Variants in MND1 observed in about 807,000 individuals in gnomAD.
The protein encoded by MND1 is meiotic nuclear divisions 1.
In MND1, 28 loss-of-function variants were observed where a neutral mutation model predicts 35.1. That is an observed-to-expected ratio of 0.80 (90% confidence interval 0.59 to 1.09). The LOEUF (loss-of-function observed/expected upper bound fraction) is 1.09, where lower values mean the gene tolerates loss of function less well. Ranked by LOEUF, MND1 falls within the 50% of genes least tolerant of loss-of-function variation. The probability of loss-of-function intolerance (pLI) is 0.00; values close to 1 mark genes in which losing one functional copy is unlikely to be tolerated. For synonymous variants in MND1, 69 were observed against 70.5 expected (o/e 0.98, Z 0.11); for missense variants, 213 against 239.6 (o/e 0.89, Z 0.73).
Position 153,349,326 on chromosome 4 carries a change from T to A in MND1, c.4-738T>A, listed in dbSNP as rs539407443. ...TGGATAGGCCTTTCCCCCTTCCATC[T>A]TCTCTTCCACATTGCTGCTATAATT... On this transcript the variant is annotated intron_variant, in intron 1 of 7. Coordinates refer to ENST00000240488, the MANE Select transcript of MND1 (RefSeq NM_032117.4). 2.0e-5 allele frequency among the ~76,000 whole-genome samples: 3 copies of A among 152,298 alleles called. No individual in the cohort carries two copies. The South Asian group carries it at 6.2e-4, about 32-fold the overall frequency.
chr4:153,347,099 C>T (rs1773093626), intron 1 of MND1, among the ~76,000 whole-genome samples: 1 of 152,192 alleles, frequency 6.6e-6, no homozygotes, highest in African/African-American at 2.4e-5. Context: ...GCCTGGGCAT[C>T]GGTATTTTTT....
At chr4:153,385,409 T>G (rs1000851019) in intron 4 of MND1, among the ~76,000 whole-genome samples, 38 of 152,242 alleles carry the variant, frequency 2.5e-4, no homozygotes, top group African/African-American at 8.4e-4. Context: ...TCATTTAAGT[T>G]CAAATTTTTC....
chr4:153,392,783 A>G (rs753881801), intron 4 of MND1, among the ~76,000 whole-genome samples: 4 of 152,196 alleles, frequency 2.6e-5, no homozygotes, highest in Non-Finnish European at 5.9e-5. Context: ...TAACTTACCT[A>G]CTTTCTAAGC....
rs148112830 is a variant in MND1 at position 153,370,246 on chromosome 4, C to T, written c.276+11624C>T. On this transcript the variant is annotated intron_variant, in intron 4 of 7. Transcript: ENST00000240488. The stretch of plus-strand genomic sequence containing the variant: ...GCAGTGAGCTGAGATCACACCACTG[C>T]GCTCCAGCCTGGGTAACACAGCCGG... 1.5e-3 allele frequency among the ~76,000 whole-genome samples: 231 copies of T among 152,090 alleles called. 1 individual carries two copies. The highest frequency in any genetic ancestry group is 5.4e-3 in the African/African-American group (223 of 41,544).
chr4:153,361,257 G>A (rs779062463), intron 4 of MND1, among the ~76,000 whole-genome samples: 1 of 152,200 alleles, frequency 6.6e-6, no homozygotes, highest in Non-Finnish European at 1.5e-5. Context: ...GTTTGAAAAT[G>A]TCTAATTTAT....
chr4:153,412,560 G>T (rs775575554), intron 7 of MND1, among the ~76,000 whole-genome samples: 1 of 143,680 alleles, frequency 7.0e-6, no homozygotes, highest in Non-Finnish European at 1.5e-5. Context: ...TCAGCTCATC[G>T]CAACCTCCAC....
chr4:153,394,784 C>T (rs17029923), intron 5 of MND1, among the ~76,000 whole-genome samples: 38,481 of 151,886 alleles, frequency 0.25, 5,548 homozygotes, highest in African/African-American at 0.4. Flanking sequence ...AAACTGAAAA[C>T]TATCAACATA....
In MND1 at chr4:153,389,967, G is replaced by T. The variant is rs555607789; in HGVS notation, c.277-4295G>T. On this transcript the variant is annotated intron_variant, in intron 4 of 7. Transcript: ENST00000240488. ...ATGCACATTATTGGGCCCCACCCCA[G>T]ATGTGCTATTCGGAAACTCAGGAGG... 7.3e-4 allele frequency among the ~76,000 whole-genome samples: 111 copies of T among 151,694 alleles called. 1 individual carries two copies. The highest frequency in any genetic ancestry group is 1.3e-3 in the Non-Finnish European group (88 of 67,984).
intron 4 of MND1, among the ~76,000 whole-genome samples, chr4:153,381,356 T>C (rs546070433): frequency 6.6e-6 from 1 of 151,772 alleles, no homozygotes; most frequent in East Asian, 1.9e-4. Context: ...AGAATTCCCA[T>C]TCCCAAACAC....
intron 4 of MND1, among the ~76,000 whole-genome samples, chr4:153,371,313 G>A (rs953901464): frequency 3.3e-5 from 5 of 152,028 alleles, no homozygotes; most frequent in African/African-American, 2.4e-5. Flanking sequence ...AGTGTCAAGT[G>A]TCACCCTGGC....
At chr4:153,347,405 A>G (rs1252727914) in intron 1 of MND1, among the ~76,000 whole-genome samples, 4 of 152,160 alleles carry the variant, frequency 2.6e-5, no homozygotes, top group South Asian at 2.1e-4. Context: ...TTCACCTGTT[A>G]TATCTATGGG....
intron 4 of MND1, among the ~76,000 whole-genome samples, chr4:153,386,610 G>T (rs555935347): frequency 4.0e-4 from 61 of 152,240 alleles, no homozygotes; most frequent in Non-Finnish European, 6.6e-4. Flanking sequence ...CAGCTACTCA[G>T]GAGGCTGAGG....
chr4:153,381,713 T>A (rs1386967867), intron 4 of MND1: 7 of 73,782 alleles, frequency 9.5e-5, no homozygotes, highest in African/African-American at 4.4e-4. Context: ...TTTTTTTTTT[T>A]TTTTTTTTTT....
chr4:153,414,833 A>G lies in MND1; in HGVS notation c.594A>G (p.Pro198=). Residue 198 remains proline, a synonymous_variant, in exon 8 of 8, where the codon CCA becomes CCG. Transcript: ENST00000240488. The stretch of plus-strand genomic sequence containing the variant: ...AAATTGATAGAACTTTTGGAATTCC[A>G]GAAGACTTTGACTACATAGACTAAA... ...ENKIDRTFGI[P]EDFDYID 1 of 1,540,362 alleles carries G rather than the reference A, an allele frequency of 6.5e-7. No individual in the cohort carries two copies.
chr4:153,391,448 G>A (rs962628802), intron 4 of MND1, among the ~76,000 whole-genome samples: 18 of 152,002 alleles, frequency 1.2e-4, no homozygotes, highest in Middle Eastern at 3.2e-3. Context: ...GACTCCGGCC[G>A]GGTGTGGTGG....
chr4:153,380,083 G>GTATTC (rs199826500), intron 4 of MND1, among the ~76,000 whole-genome samples: 150,687 of 152,182 alleles, frequency 0.99, 74,610 homozygotes, highest in East Asian at 1. Flanking sequence ...ATGGTCTGTG[G>GTATTC]TATCATTCAA....
intron 4 of MND1, among the ~76,000 whole-genome samples, chr4:153,382,496 ATTCTACTG>A (rs1318081489): frequency 2.6e-5 from 4 of 152,210 alleles, no homozygotes; most frequent in Non-Finnish European, 5.9e-5. Flanking sequence ...CTCTTGAACC[ATTCTACTG>A]TAAGAGGCAG....
chr4:153,389,473 GC>G (rs1191097127), intron 4 of MND1, among the ~76,000 whole-genome samples: 4 of 152,124 alleles, frequency 2.6e-5, no homozygotes, highest in African/African-American at 9.7e-5. Flanking sequence ...CGATTCTCCT[GC>G]CTCAGTCTCC....
intron 3 of MND1, among the ~76,000 whole-genome samples, chr4:153,357,403 A>G (rs9307907): frequency 0.068 from 10,284 of 152,222 alleles, 470 homozygotes; most frequent in South Asian, 0.13. Context: ...CCCCCACACA[A>G]TTGGAAATCT....
Sources: gnomAD v4.1 joint callset for allele counts (sites outside exome capture counted in the v4.1 genomes callset) on GRCh38, gnomAD v4.1.1 for gene constraint, MANE v1.5 for transcripts, NCBI Gene and HGNC (gene_info 2026-07-23, HGNC 2026-07-21) for gene names.